Variants in VWA2 observed in about 807,000 individuals in gnomAD.
The protein encoded by VWA2 is von Willebrand factor A domain-containing protein 2.
Under a neutral mutation model 70.4 loss-of-function variants are expected in VWA2, and 73 were observed. That is an observed-to-expected ratio of 1.04 (90% CI 0.86 to 1.26). The LOEUF is 1.26. Among genes scored for constraint, VWA2 ranks in the 50% most tolerant of loss-of-function variants. The probability of loss-of-function intolerance (pLI) is 0.00; values close to 1 mark genes in which losing one functional copy is unlikely to be tolerated. For missense variants in VWA2, 1,011 were observed against 998.5 expected, an observed-to-expected ratio of 1.01 and a Z score of -0.17; for synonymous variants, 407 against 423.3, an observed-to-expected ratio of 0.96 and a Z score of 0.47.
chr10:114,247,217 A>G (rs535082955), intron 1 of VWA2, among the ~76,000 whole-genome samples: 1 of 151,598 alleles, frequency 6.6e-6, no homozygotes, highest in African/African-American at 2.4e-5. Context: ...TTCTGTACAG[A>G]TTTGTATTTG....
At chr10:114,263,870 C>T (rs1373206531) in intron 5 of VWA2, among the ~76,000 whole-genome samples, 1 of 152,044 alleles carries the variant, frequency 6.6e-6, no homozygotes, top group Non-Finnish European at 1.5e-5. Context: ...GACATTGTTC[C>T]AAAGAAGATA....
chr10:114,286,052 C>CG lies in VWA2; in HGVS notation c.1114dup (p.Ala372GlyfsTer34). 6.2e-7 allele frequency: 1 copy of CG among 1,614,110 alleles called. No homozygotes were observed. Among genetic ancestry groups the CG allele is most frequent in the Non-Finnish European group, 8.5e-7 (1 of 1,180,028 alleles). On this transcript the variant is annotated frameshift_variant, in exon 11 of 14. Transcript: ENST00000392982. LOFTEE classifies it high-confidence loss of function. ...CAAAGTCTTCGTGAAGCGGTTTGTGCGGGCCGTGCTGAGCGAGGACTCTCG... is the reference window on the plus strand; with the variant it reads ...CAAAGTCTTCGTGAAGCGGTTTGTGCGGGGCCGTGCTGAGCGAGGACTCTCG...
In VWA2 at chr10:114,286,443, C is replaced by T. The variant is rs186682529; in HGVS notation, c.1502C>T (p.Ser501Leu). 20 of 1,612,438 alleles carry T rather than the reference C, an allele frequency of 1.2e-5. No individual in the cohort carries two copies. The highest frequency in any genetic ancestry group is 1.1e-4 in the East Asian group (5 of 44,870). The change falls in exon 11 of 14, where the codon TCG becomes TTG. Residue 501 changes from serine (S) to leucine (L), a missense_variant. By Grantham distance (145) the Ser-to-Leu change is moderately radical. Transcript: ENST00000392982. Reference sequence around the variant, plus strand: ...AGCCCAAAGCATGTGATGGTCTACTCGGATCCTCAGGATCTGTTCAACCAA... The same window carrying T: ...AGCCCAAAGCATGTGATGGTCTACTTGGATCCTCAGGATCTGTTCAACCAA... ...TGSPKHVMVYSDPQDLFNQIP... is the reference protein window; with the variant it reads ...TGSPKHVMVYLDPQDLFNQIP...
At chr10:114,250,060 C>T (rs965988844) in intron 2 of VWA2, among the ~76,000 whole-genome samples, 1 of 152,166 alleles carries the variant, frequency 6.6e-6, no homozygotes, top group Non-Finnish European at 1.5e-5. Flanking sequence ...ATCCTTAGGC[C>T]CCAGCACAAT....
In VWA2 at chr10:114,291,368, GC is replaced by G; in HGVS notation, c.*133del. On this transcript the variant is annotated 3_prime_UTR_variant, in exon 14 of 14. Transcript: ENST00000392982. The stretch of plus-strand genomic sequence containing the variant: ...CAGGTCCTTAGAATGTCTGCTTCCC[GC>G]CGTGGCCAGGACCACTATTCTCACT... 8.8e-7 allele frequency: 1 copy of G among 1,131,412 alleles called. No individual in the cohort carries two copies. Among genetic ancestry groups the G allele is most frequent in the African/African-American group, 1.6e-5 (1 of 63,356 alleles). 70.1% of individuals were successfully genotyped at this position (1,131,412 alleles called of 1,614,324 possible).
At chr10:114,255,162 G>C in intron 4 of VWA2, 114 bp downstream of exon 4, 1 of 1,348,130 alleles carries the variant, frequency 7.4e-7, no homozygotes, top group South Asian at 1.4e-5. Context: ...GAAGACCAAG[G>C]GGCTGAATCC....
chr10:114,288,258 C>T lies in VWA2; in HGVS notation c.1571-680C>T, dbSNP rs141512224. 8.7e-3 allele frequency among the ~76,000 whole-genome samples: 1,321 copies of T among 152,324 alleles called. 8 individuals are homozygous for T. The highest frequency in any genetic ancestry group is 0.016 in the Non-Finnish European group (1,064 of 68,032). On this transcript the variant is annotated intron_variant, in intron 11 of 13. Transcript: ENST00000392982. ...CCCTTCTCCCAGTCTTGTTATGTTC[C>T]CCTACTGGTCTCTCTCGAAGTCCCC...
rs2037082798 is a variant in VWA2 at position 114,246,820 on chromosome 10, G to C, written c.-10-1884G>C. 4.4e-6 allele frequency: 4 copies of C among 916,180 alleles called. No individual in the cohort carries two copies. In the East Asian group the frequency reaches 9.7e-5, roughly 22 times the overall value. The allele number at this position is 916,180 out of a possible 1,614,324, so 56.8% of individuals were successfully genotyped here. On this transcript the variant is annotated intron_variant, in intron 1 of 13. Transcript: ENST00000392982. ...ACCATTGACTGCTGCCCTCAATCTA[G>C]AGCGCTACAAGAAATATTTGTTTTA...
Position 114,286,222 on chromosome 10 carries a change from G to A in VWA2, c.1281G>A (p.Arg427=), listed in dbSNP as rs2038872221. 1 of 1,613,468 alleles carries A rather than the reference G, an allele frequency of 6.2e-7. No homozygotes were observed. Among genetic ancestry groups the A allele is most frequent in the African/African-American group, 1.3e-5 (1 of 74,946 alleles). ...GGPTLTGSAL[R]QAAERGFGSA... Reference sequence around the variant, plus strand: ...CCACCCTGACGGGCAGTGCCTTGCGGCAGGCGGCAGAGCGTGGCTTCGGGA... The same window carrying A: ...CCACCCTGACGGGCAGTGCCTTGCGACAGGCGGCAGAGCGTGGCTTCGGGA... The change falls in exon 11 of 14, where the codon CGG becomes CGA. Residue 427 remains arginine, a synonymous_variant. Coordinates refer to ENST00000392982, the MANE Select transcript of VWA2 (RefSeq NM_001272046.2).
intron 5 of VWA2, among the ~76,000 whole-genome samples, chr10:114,268,073 C>T (rs929836052): frequency 1.3e-5 from 2 of 152,122 alleles, no homozygotes; most frequent in East Asian, 3.9e-4. Context: ...AATACTATTT[C>T]TTTCCCCTTT....
At chr10:114,248,467 G>A (rs777075201) in intron 1 of VWA2, among the ~76,000 whole-genome samples, 1 of 152,186 alleles carries the variant, frequency 6.6e-6, no homozygotes, top group Non-Finnish European at 1.5e-5. Flanking sequence ...GCATTTGGGG[G>A]TGGATGAGAG....
chr10:114,243,604 G>A (rs1168121962), intron 1 of VWA2, among the ~76,000 whole-genome samples: 1 of 146,774 alleles, frequency 6.8e-6, no homozygotes, highest in South Asian at 2.1e-4. Context: ...ATCTATTTGG[G>A]GTTGGAATTG....
At chr10:114,266,509 A>G in intron 5 of VWA2, among the ~76,000 whole-genome samples, 1 of 152,182 alleles carries the variant, frequency 6.6e-6, no homozygotes, top group Admixed American at 6.5e-5. Flanking sequence ...AGACCGAGGC[A>G]GTCCCCCAAA....
intron 11 of VWA2, 113 bp from the exon 12 acceptor site, chr10:114,288,825 G>C: frequency 6.3e-6 from 7 of 1,110,354 alleles, no homozygotes; most frequent in Non-Finnish European, 9.1e-6. Context: ...ATTCTGCAGT[G>C]AACAGAGCAC....
intron 3 of VWA2, among the ~76,000 whole-genome samples, chr10:114,254,400 G>A (rs1399937876): frequency 1.3e-5 from 2 of 152,094 alleles, no homozygotes; most frequent in Non-Finnish European, 2.9e-5. Context: ...TGAATTACTT[G>A]GCCTGTGCCT....
At chr10:114,264,950 C>T (rs1168609515) in intron 5 of VWA2, among the ~76,000 whole-genome samples, 1 of 151,752 alleles carries the variant, frequency 6.6e-6, no homozygotes, top group East Asian at 1.9e-4. Flanking sequence ...GAACTCCTGA[C>T]CTCAGGTGAT....
At chr10:114,265,468 G>T (rs771942407) in intron 5 of VWA2, among the ~76,000 whole-genome samples, 1 of 152,156 alleles carries the variant, frequency 6.6e-6, no homozygotes, top group Non-Finnish European at 1.5e-5. Flanking sequence ...AGATCATCTG[G>T]TATGTTTTCC....
intron 1 of VWA2, among the ~76,000 whole-genome samples, chr10:114,245,905 C>T (rs910745151): frequency 4.6e-5 from 7 of 152,150 alleles, no homozygotes; most frequent in African/African-American, 1.4e-4. Flanking sequence ...GCTTTGAAAT[C>T]CAAGGAGCTC....
At chr10:114,280,167 GT>G (rs2037998403) in intron 8 of VWA2, among the ~76,000 whole-genome samples, 1 of 152,194 alleles carries the variant, frequency 6.6e-6, no homozygotes, top group African/African-American at 2.4e-5. Context: ...AGGTAGATGT[GT>G]TAATATTGCA....
Sources: gnomAD v4.1 joint callset for allele counts (sites outside exome capture counted in the v4.1 genomes callset) on GRCh38, gnomAD v4.1.1 for gene constraint, MANE v1.5 for transcripts, NCBI Gene and HGNC (gene_info 2026-07-23, HGNC 2026-07-21) for gene names.